The following RTN1 variants were observed in gnomAD, a reference collection of about 807,000 sequenced individuals.
The protein encoded by RTN1 is reticulon-1.
RTN1 carries 25 observed loss-of-function variants against 65.5 expected under a neutral mutation model. The observed-to-expected ratio is 0.38, with a 90% CI of 0.28 to 0.53. RTN1 has a LOEUF of 0.53. Among genes scored for constraint, RTN1 ranks in the 20% least tolerant of loss-of-function variants. The pLI is 0.79. For synonymous variants in RTN1, 471 were observed against 447.6 expected, an observed-to-expected ratio of 1.05 and a Z score of -0.66; for missense variants, 983 against 1,025.4, an observed-to-expected ratio of 0.96 and a Z score of 0.57.
At chr14:59,823,460 A>G (rs541749247) in intron 1 of RTN1, among the ~76,000 whole-genome samples, 66 of 151,390 alleles carry the variant, frequency 4.4e-4, no homozygotes, top group Non-Finnish European at 8.4e-4. Flanking sequence ...CATGTTTAGC[A>G]CTCCCTTAAG....
chr14:59,659,885 T>C (rs1883207333), intron 3 of RTN1, among the ~76,000 whole-genome samples: 1 of 152,216 alleles, frequency 6.6e-6, no homozygotes, highest in South Asian at 2.1e-4. Flanking sequence ...AATTCACATA[T>C]AACAATATTA....
At chr14:59,671,990 C>G (rs1175523917) in intron 3 of RTN1, among the ~76,000 whole-genome samples, 1 of 152,162 alleles carries the variant, frequency 6.6e-6, no homozygotes, top group Admixed American at 6.5e-5. Context: ...ACTATACAAC[C>G]TAATGCCACA....
rs77662987 is a variant in RTN1 at position 59,773,801 on chromosome 14, C to A, written c.242-27320G>T. 9.7e-3 allele frequency among the ~76,000 whole-genome samples: 1,476 copies of A among 152,130 alleles called. 23 individuals are homozygous for A. The highest frequency in any genetic ancestry group is 0.033 in the African/African-American group (1,390 of 41,514). ...GTCTTTCTTCTACCCTGGTTTCTAT[C>A]ATCTCATTAATTATCCTAAACAAGA... is the stretch of plus-strand genomic sequence containing the variant. On this transcript the variant is annotated intron_variant, in intron 1 of 8. Transcript: ENST00000267484.
At chr14:59,739,985 C>T (rs1257797873) in intron 2 of RTN1, among the ~76,000 whole-genome samples, 1 of 152,212 alleles carries the variant, frequency 6.6e-6, no homozygotes, top group Non-Finnish European at 1.5e-5. Flanking sequence ...CTTGTGCCAG[C>T]TGGCCTGATG....
chr14:59,596,742 A>G lies in RTN1; in HGVS notation c.*3T>C. On this transcript the variant is annotated 3_prime_UTR_variant, in exon 9 of 9. Transcript: ENST00000267484. ...TGTGTCCAGTCCCCGGTGGGAAATCAGTTTACTCAGCATGCCTCTTAGCGC... is the reference window on the plus strand; with the variant it reads ...TGTGTCCAGTCCCCGGTGGGAAATCGGTTTACTCAGCATGCCTCTTAGCGC... The G allele has an allele frequency of 6.2e-7, 1 of 1,608,750 alleles. No individual in the cohort carries two copies.
chr14:59,697,239 T>C (rs1034229131), intron 3 of RTN1, among the ~76,000 whole-genome samples: 30 of 152,326 alleles, frequency 2.0e-4, no homozygotes, highest in Admixed American at 8.5e-4. Flanking sequence ...TCCCAGATAA[T>C]TACTGGCCTC....
At chr14:59,815,985 C>T (rs1886813887) in intron 1 of RTN1, among the ~76,000 whole-genome samples, 1 of 152,164 alleles carries the variant, frequency 6.6e-6, no homozygotes, top group African/African-American at 2.4e-5. Flanking sequence ...ATGCCAATCA[C>T]TTGTACCACC....
At position 59,795,253 on chromosome 14, in the gene RTN1, A is replaced by G. The variant is rs554822641; in HGVS notation, c.242-48772T>C. On this transcript the variant is annotated intron_variant, in intron 1 of 8. Coordinates refer to ENST00000267484, the MANE Select transcript of RTN1 (RefSeq NM_021136.3). ...ATGACATTAAAGATTTAAAAAAAATAGTAGCATAACAAGTGTGAGCAATCA... is the reference window on the plus strand; with the variant it reads ...ATGACATTAAAGATTTAAAAAAAATGGTAGCATAACAAGTGTGAGCAATCA... Among the ~76,000 whole-genome samples, 184 of 152,368 alleles carry G rather than the reference A, an allele frequency of 1.2e-3. 1 individual carries two copies. Among genetic ancestry groups the G allele is most frequent in the South Asian group, 2.3e-3 (11 of 4,832 alleles).
At chr14:59,603,314 T>TTATTGA in intron 6 of RTN1, 56 bp from the exon 7 acceptor site, 1 of 1,317,394 alleles carries the variant, frequency 7.6e-7, no homozygotes, top group Non-Finnish European at 1.1e-6. Context: ...AAGAATACGC[T>TTATTGA]TATAGACACA....
intron 2 of RTN1, among the ~76,000 whole-genome samples, chr14:59,736,119 CA>C (rs2139492616): frequency 6.6e-6 from 1 of 152,096 alleles, no homozygotes; most frequent in South Asian, 2.1e-4. Context: ...CCTAACATCA[CA>C]ACTAAAAGAA....
At chr14:59,820,356 GTTT>G (rs34274539) in intron 1 of RTN1, among the ~76,000 whole-genome samples, 20 of 79,326 alleles carry the variant, frequency 2.5e-4, no homozygotes, top group African/African-American at 8.0e-4. Flanking sequence ...CTTATTGATA[GTTT>G]TTTTTTTTTT....
chr14:59,605,763 C>A, intron 4 of RTN1: 1 of 331,228 alleles, frequency 3.0e-6, no homozygotes, highest in East Asian at 5.0e-5. Flanking sequence ...CATGGGTGGG[C>A]TGAAAATTCA....
At position 59,870,150 on chromosome 14, in the gene RTN1, CATG is replaced by C. The variant is rs1195336383; in HGVS notation, c.241+237_241+239del. Among the ~76,000 whole-genome samples the C allele has an allele frequency of 6.6e-6, 1 of 152,214 alleles. No individual in the cohort carries two copies. Among genetic ancestry groups the C allele is most frequent in the Non-Finnish European group, 1.5e-5 (1 of 68,036 alleles). Reference sequence around the variant, plus strand: ...GAACAATTTTTAAAGCGGAAATAATCATGATAATGAAATAAAAGGATCAAAAGC... The same window carrying C: ...GAACAATTTTTAAAGCGGAAATAATCATAATGAAATAAAAGGATCAAAAGC... On this transcript the variant is annotated intron_variant, in intron 1 of 8. Coordinates refer to ENST00000267484, the MANE Select transcript of RTN1 (RefSeq NM_021136.3). This position sits in a 1 kb window ranked among gnomAD's most constrained non-coding sequence, Gnocchi z 5.1.
chr14:59,714,172 T>C (rs1884482932), intron 3 of RTN1, among the ~76,000 whole-genome samples: 1 of 151,590 alleles, frequency 6.6e-6, no homozygotes, highest in African/African-American at 2.4e-5. Flanking sequence ...GAGGCAGAAG[T>C]TGCAGTTAGC....
chr14:59,603,855 T>G lies in RTN1; in HGVS notation c.2179A>C (p.Met727Leu). 1 of 1,610,268 alleles carries G rather than the reference T, an allele frequency of 6.2e-7. No homozygotes were observed. Among genetic ancestry groups the G allele is most frequent in the South Asian group, 1.1e-5 (1 of 91,030 alleles). ...ATACAGTCTTATCTGCTCTTACCCA[T>G]GAGCAGCAGGGTCAGGCCATTGAAG... ...ALFNGLTLLLMAVVSMFTLPV... is the reference protein window; with the variant it reads ...ALFNGLTLLLLAVVSMFTLPV... The change falls in exon 6 of 9, where the codon ATG becomes CTG. Residue 727 changes from methionine to leucine, a missense_variant. By Grantham distance (15) the Met-to-Leu change is conservative. Around this residue, in one of 2 missense-constraint regions of RTN1, gnomAD observed 165 missense variants for 223.6 expected, o/e 0.74. Coordinates refer to ENST00000267484, the MANE Select transcript of RTN1 (RefSeq NM_021136.3).
At chr14:59,779,028 G>A (rs777675953) in intron 1 of RTN1, among the ~76,000 whole-genome samples, 5 of 152,276 alleles carry the variant, frequency 3.3e-5, no homozygotes, top group Non-Finnish European at 7.4e-5. Flanking sequence ...AAGGAGCAGG[G>A]GAGTCTGGAA....
At chr14:59,834,184 C>T (rs1041256298) in intron 1 of RTN1, among the ~76,000 whole-genome samples, 2 of 152,034 alleles carry the variant, frequency 1.3e-5, no homozygotes, top group Admixed American at 6.5e-5. Context: ...GAACTTATAA[C>T]CATATCACAC....
chr14:59,805,532 A>T (rs924085663), intron 1 of RTN1, among the ~76,000 whole-genome samples: 2 of 152,178 alleles, frequency 1.3e-5, no homozygotes, highest in African/African-American at 4.8e-5. Context: ...TATATCAAAG[A>T]ATTAAACATT....
rs76028429 is a variant in RTN1, at chr14:59,627,977, AT to A, written c.1766-20486del. ...TCACAGCTGCTTCTAGATCACACCC[AT>A]TTTTTTTTTTTAAATTGGTATCCTG... On this transcript the variant is annotated intron_variant, in intron 3 of 8. Transcript: ENST00000267484. Among the ~76,000 whole-genome samples the A allele has an allele frequency of 6.0e-4, 86 of 143,904 alleles. 2 individuals carry two copies. Among genetic ancestry groups the A allele is most frequent in the South Asian group, 2.0e-3 (9 of 4,500 alleles). 94.4% of individuals were successfully genotyped at this position (143,904 alleles called of 152,430 possible).
Sources: allele counts gnomAD v4.1 joint callset (sites outside exome capture counted in the v4.1 genomes callset), GRCh38; gene constraint gnomAD v4.1.1; regional missense constraint gnomAD v4.1.1; non-coding constraint Gnocchi (gnomAD v3.1); transcripts MANE v1.5; gene names NCBI Gene and HGNC (gene_info 2026-07-23, HGNC 2026-07-21).